SLC38A8: variants seen among roughly 807,000 people sequenced by gnomAD.
SLC38A8 encodes the protein amino acid transporter SLC38A8.
Under a neutral mutation model 46.0 loss-of-function variants are expected in SLC38A8, and 65 were observed. That is an observed-to-expected ratio of 1.41 (90% CI 1.16 to 1.74). The LOEUF (loss-of-function observed/expected upper bound fraction) is 1.74, where lower values mean the gene tolerates loss of function less well. SLC38A8 is among the 40% of genes most tolerant of loss of function. SLC38A8 has a pLI of 0.00. For missense variants in SLC38A8, 998 were observed against 567.9 expected (o/e 1.76, Z -7.70); for synonymous variants, 447 against 243.7 (o/e 1.83, Z -7.77).
At chr16:84,016,378 A>C (rs1220596304) in intron 9 of SLC38A8, 141 bp downstream of exon 9, 2 of 900,922 alleles carry the variant, frequency 2.2e-6, no homozygotes, top group Admixed American at 2.9e-5. Flanking sequence ...GGCTCAATAA[A>C]AAGGGCACCT....
chr16:84,010,004 G>A (rs1383018009), intron 10 of SLC38A8, 127 bp from the exon 11 acceptor site: 1 of 628,488 alleles, frequency 1.6e-6, no homozygotes, highest in South Asian at 3.1e-5. Context: ...GAAAAATTCA[G>A]AATATTTCCA....
intron 6 of SLC38A8, 47 bp from the exon 7 acceptor site, chr16:84,022,936 C>T: frequency 2.8e-6 from 4 of 1,423,612 alleles, no homozygotes; most frequent in Non-Finnish European, 3.8e-6. Context: ...TCCCCTGGAA[C>T]AGGCGATGCG....
intron 5 of SLC38A8, among the ~76,000 whole-genome samples, chr16:84,030,760 G>A (rs1190272191): frequency 6.6e-6 from 1 of 152,126 alleles, no homozygotes; most frequent in African/African-American, 2.4e-5. Context: ...GAATATGCGG[G>A]GACCCTTGTT....
intron 1 of SLC38A8, 68 bp from the exon 2 acceptor site, chr16:84,042,227 CTTAT>C (rs1289069976): frequency 3.3e-6 from 5 of 1,499,978 alleles, no homozygotes; most frequent in Non-Finnish European, 4.5e-6. Context: ...TCTCGATATC[CTTAT>C]TTGTCTCCCC....
chr16:84,018,111 G>GT (rs1597254229), intron 7 of SLC38A8, among the ~76,000 whole-genome samples: 1 of 151,762 alleles, frequency 6.6e-6, no homozygotes, highest in Non-Finnish European at 1.5e-5. Context: ...AGGCTGAGAA[G>GT]TCCAAGATTG....
chr16:84,013,557 A>C (rs948299903), intron 9 of SLC38A8, among the ~76,000 whole-genome samples: 5 of 149,198 alleles, frequency 3.4e-5, no homozygotes, highest in Non-Finnish European at 7.4e-5. Context: ...CAGCCTCCCG[A>C]GTAGCTGGGA....
rs967705903 is a variant in SLC38A8, at chr16:84,022,851, G to A, written c.729C>T (p.Arg243=). Residue 243 remains arginine (R), a synonymous_variant, in exon 7 of 11, where the codon CGC becomes CGT. Coordinates refer to ENST00000299709, the MANE Select transcript of SLC38A8 (RefSeq NM_001080442.3). ...GGGCCCAGTGGGAGAGGCTCCGTTTGCGCATGCTGCAGTAGATGGAGACGG... is the reference window on the plus strand; with the variant it reads ...GGGCCCAGTGGGAGAGGCTCCGTTTACGCATGCTGCAGTAGATGGAGACGG... The part of the protein sequence containing the change: ...EAAVSIYCSM[R]KRSLSHWALV... 9 of 1,611,356 alleles carry A rather than the reference G, an allele frequency of 5.6e-6. No homozygotes were observed. Among genetic ancestry groups the A allele is most frequent in the Non-Finnish European group, 7.6e-6 (9 of 1,178,960 alleles).
intron 6 of SLC38A8, among the ~76,000 whole-genome samples, chr16:84,025,130 C>G (rs905895208): frequency 2.7e-5 from 4 of 149,296 alleles, no homozygotes; most frequent in African/African-American, 4.9e-5. Flanking sequence ...CAGGGAGGCT[C>G]TGCTCTGTCC....
At chr16:84,024,867 G>A (rs561822311) in intron 6 of SLC38A8, among the ~76,000 whole-genome samples, 1 of 152,136 alleles carries the variant, frequency 6.6e-6, no homozygotes, top group African/African-American at 2.4e-5. Context: ...TTTTGGTAGA[G>A]ACAGGGTTTC....
chr16:84,015,326 T>G (rs911401409), intron 9 of SLC38A8, among the ~76,000 whole-genome samples: 2 of 151,974 alleles, frequency 1.3e-5, no homozygotes, highest in Non-Finnish European at 2.9e-5. Context: ...CTTCCCCTTC[T>G]CAGATAATGC....
chr16:84,037,038 T>A, intron 2 of SLC38A8, 138 bp from the exon 3 acceptor site: 1 of 834,390 alleles, frequency 1.2e-6, no homozygotes, highest in Non-Finnish European at 1.9e-6. Context: ...GGGTTGGCAG[T>A]CTACCAGCTA....
chr16:84,041,634 G>C (rs536918985), intron 2 of SLC38A8, among the ~76,000 whole-genome samples: 1 of 152,166 alleles, frequency 6.6e-6, no homozygotes, highest in Admixed American at 6.5e-5. Flanking sequence ...TTTGAGCTAA[G>C]ACCAGCAGGC....
At chr16:84,039,896 C>T (rs1227584657) in intron 2 of SLC38A8, 1 of 152,286 alleles carries the variant, frequency 6.6e-6, no homozygotes, top group African/African-American at 2.4e-5. Flanking sequence ...CCATGCCAGA[C>T]CCAGCCCCTC....
chr16:84,025,119 G>A (rs1438267258), intron 6 of SLC38A8, among the ~76,000 whole-genome samples: 1 of 151,720 alleles, frequency 6.6e-6, no homozygotes, highest in Admixed American at 6.6e-5. Context: ...CCAGGGCTGG[G>A]CAGGGAGGCT....
chr16:84,032,232 A>G (rs2085249581), intron 4 of SLC38A8, among the ~76,000 whole-genome samples: 1 of 152,172 alleles, frequency 6.6e-6, no homozygotes. Context: ...TCTGTTGCCC[A>G]GGCTGGAGTG....
intron 7 of SLC38A8, among the ~76,000 whole-genome samples, chr16:84,017,796 G>A (rs1012581378): frequency 5.3e-5 from 8 of 152,136 alleles, no homozygotes; most frequent in African/African-American, 1.9e-4. Flanking sequence ...GTCACCCCGG[G>A]TTGCCTGCCC....
intron 9 of SLC38A8, among the ~76,000 whole-genome samples, chr16:84,013,456 G>A (rs1286280409): frequency 1.9e-5 from 2 of 103,586 alleles, no homozygotes; most frequent in African/African-American, 1.0e-4. Context: ...TTTTGAGACG[G>A]AGTCTCACTC....
Position 84,013,043 on chromosome 16 carries a change from A to C in SLC38A8, c.1172T>G (p.Leu391Arg), listed in dbSNP as rs768533885. 6.2e-7 allele frequency: 1 copy of C among 1,614,026 alleles called. No homozygotes were observed. The highest frequency in any genetic ancestry group is 8.5e-7 in the Non-Finnish European group (1 of 1,180,000). Residue 391 changes from leucine to arginine, a missense_variant, in exon 10 of 11, where the codon CTC (leucine) becomes CGC (arginine). Leu to Arg is a moderately radical substitution (Grantham distance 102). Transcript: ENST00000299709. ...FFIFIFPGLC[L>R]ICAMGVEPIG... ...AGGCTCGACACCCATTGCACAGATG[A>C]GGCACAAACCTGCAAAAAAGACAGG...
intron 6 of SLC38A8, among the ~76,000 whole-genome samples, chr16:84,024,938 C>G (rs190000556): frequency 6.6e-6 from 1 of 152,120 alleles, no homozygotes; most frequent in Non-Finnish European, 1.5e-5. Flanking sequence ...ACCTCGGCCT[C>G]GCAAAGTGCT....
Sources: allele counts gnomAD v4.1 joint callset (sites outside exome capture counted in the v4.1 genomes callset), GRCh38; gene constraint gnomAD v4.1.1; transcripts MANE v1.5; gene names NCBI Gene and HGNC (gene_info 2026-07-23, HGNC 2026-07-21).